Variants in ETS2 observed in about 807,000 individuals in gnomAD.
The protein encoded by ETS2 is ETS proto-oncogene 2, transcription factor, also known as protein C-ets-2.
Under a neutral mutation model 54.9 loss-of-function variants are expected in ETS2, and 19 were observed. That is an observed-to-expected ratio of 0.35 (90% confidence interval 0.24 to 0.51). ETS2 has a LOEUF of 0.51. Among genes scored for constraint, ETS2 ranks in the 20% least tolerant of loss-of-function variants. The pLI is 0.97. For synonymous variants in ETS2, 219 were observed against 229.3 expected (o/e 0.95, Z 0.41); for missense variants, 417 against 593.0 (o/e 0.70, Z 3.08).
rs779726526 is a variant in ETS2, at chr21:38,817,081, C to T, written c.579C>T (p.Ser193=). The T allele has an allele frequency of 5.0e-6, 8 of 1,597,824 alleles. No individual in the cohort carries two copies. Among genetic ancestry groups the T allele is most frequent in the Non-Finnish European group, 6.9e-6 (8 of 1,165,330 alleles). Residue 193 remains serine, a synonymous_variant, in exon 6 of 10, where the codon AGC becomes AGT. Transcript: ENST00000360938. The stretch of plus-strand genomic sequence containing the variant: ...CCTCCGTTCCTCATTGGATTAACAG[C>T]AATACATTAGGTCAGTCCGATTGAT... ...HLTSVPHWIN[S]NTLGFGTEQA...
At chr21:38,809,038 T>C (rs1242105703) in intron 1 of ETS2, among the ~76,000 whole-genome samples, 1 of 152,242 alleles carries the variant, frequency 6.6e-6, no homozygotes, top group Non-Finnish European at 1.5e-5. Flanking sequence ...TCCAAATAAA[T>C]TTTCAGCCTA....
rs755069743 is a variant in ETS2, at chr21:38,819,550, G to C, written c.859G>C (p.Glu287Gln). ...DSPENGADSF[E>Q]SSDSLLQSWN... Reference sequence around the variant, plus strand: ...CCCTGAGAACGGTGCGGACAGCTTCGAGAGCTCAGACTCCCTCCTCCAGTC... The same window carrying C: ...CCCTGAGAACGGTGCGGACAGCTTCCAGAGCTCAGACTCCCTCCTCCAGTC... The change falls in exon 8 of 10, where the codon GAG (glutamate) becomes CAG (glutamine). Residue 287 changes from glutamate (E) to glutamine (Q), a missense_variant. This residue lies in a region of ETS2 where 326 missense variants were observed against 426.1 expected (regional missense o/e 0.76). Transcript: ENST00000360938. The C allele has an allele frequency of 1.9e-6, 3 of 1,614,078 alleles. No individual in the cohort carries two copies. Among genetic ancestry groups the C allele is most frequent in the Non-Finnish European group, 2.5e-6 (3 of 1,180,048 alleles).
intron 3 of ETS2, among the ~76,000 whole-genome samples, 199 bp downstream of exon 3, chr21:38,813,313 G>A (rs926386570): frequency 6.6e-6 from 1 of 152,198 alleles, no homozygotes; most frequent in Admixed American, 6.5e-5. Flanking sequence ...GATGTCTTGA[G>A]TGCCAGACGC....
intron 5 of ETS2, 33 bp downstream of exon 5, chr21:38,815,014 A>G (rs1233017470): frequency 1.9e-6 from 3 of 1,602,264 alleles, no homozygotes; most frequent in Non-Finnish European, 2.6e-6. Context: ...CTCCTTGTCC[A>G]GGATGAGCTG....
Position 38,822,904 on chromosome 21 carries a change from C to G in ETS2, c.*15C>G. ...CGGAGGACTGAGGTCGCCGGGACCACCCTGAGCCGGCCCCAGGCTCGTGGA... is the reference window on the plus strand; with the variant it reads ...CGGAGGACTGAGGTCGCCGGGACCAGCCTGAGCCGGCCCCAGGCTCGTGGA... On this transcript the variant is annotated 3_prime_UTR_variant, in exon 10 of 10. Transcript: ENST00000360938. 1 of 1,542,506 alleles carries G rather than the reference C, an allele frequency of 6.5e-7. No individual in the cohort carries two copies. The highest frequency in any genetic ancestry group is 8.8e-7 in the Non-Finnish European group (1 of 1,142,670).
At chr21:38,820,097 A>G (rs2060951877) in intron 8 of ETS2, among the ~76,000 whole-genome samples, 1 of 152,226 alleles carries the variant, frequency 6.6e-6, no homozygotes. Flanking sequence ...ATCTCAAAGA[A>G]TGTAAACTGG....
intron 6 of ETS2, among the ~76,000 whole-genome samples, chr21:38,817,674 A>G (rs560977243): frequency 3.4e-4 from 52 of 152,352 alleles, no homozygotes; most frequent in African/African-American, 1.3e-3. Flanking sequence ...AAGAGCTGTC[A>G]TGGAATCTGG....
chr21:38,815,175 AGTGTGT>A (rs3065531), intron 5 of ETS2, among the ~76,000 whole-genome samples, 194 bp downstream of exon 5: 8 of 149,808 alleles, frequency 5.3e-5, no homozygotes, highest in Non-Finnish European at 8.9e-5. Context: ...ACTTTATGTG[AGTGTGT>A]GTGTGTGTGT....
At position 38,814,140 on chromosome 21, in the gene ETS2, A is replaced by G; in HGVS notation, c.185-133A>G. The G allele has an allele frequency of 1.2e-6, 1 of 843,158 alleles. No homozygotes were observed. The highest frequency in any genetic ancestry group is 2.5e-5 in the East Asian group (1 of 40,532). 52.2% of individuals were successfully genotyped at this position (843,158 alleles called of 1,614,324 possible). A position where few individuals can be genotyped will look rare whatever the true frequency, so the allele number is the denominator to read the frequency against. On this transcript the variant is annotated intron_variant, in intron 3 of 9. Coordinates refer to ENST00000360938, the MANE Select transcript of ETS2 (RefSeq NM_005239.6). This position sits in a 1 kb window ranked among gnomAD's most constrained non-coding sequence, Gnocchi z 4.2. ...AGAAAAGTTTTTTGTTAATAGTTAC[A>G]CTGTTTTAAGGAATCATGCCAAGGT...
At position 38,822,962 on chromosome 21, in the gene ETS2, C is replaced by G; in HGVS notation, c.*73C>G. ...GGAAGCCCATCCTGACCAGCTGCTC[C>G]GAGGACCCAGGAAAGGCAGGATTGA... On this transcript the variant is annotated 3_prime_UTR_variant, in exon 10 of 10. Transcript: ENST00000360938. 1 of 1,212,544 alleles carries G rather than the reference C, an allele frequency of 8.2e-7. No individual in the cohort carries two copies. 75.1% of individuals were successfully genotyped at this position (1,212,544 alleles called of 1,614,324 possible). A position where few individuals can be genotyped will look rare whatever the true frequency, so the allele number is the denominator to read the frequency against.
At chr21:38,809,900 A>G (rs1227292613) in intron 1 of ETS2, 135 bp from the exon 2 acceptor site, 1 of 605,180 alleles carries the variant, frequency 1.7e-6, no homozygotes, top group Non-Finnish European at 2.9e-6. Flanking sequence ...CCATTTAAAC[A>G]AGAATTCCCT....
rs1295636032 is a variant in ETS2, at chr21:38,821,536, A to G, written c.1076-50A>G. The G allele has an allele frequency of 2.3e-6, 3 of 1,290,590 alleles. No individual in the cohort carries two copies. The highest frequency in any genetic ancestry group is 1.5e-5 in the African/African-American group (1 of 68,616). 79.9% of individuals were successfully genotyped at this position (1,290,590 alleles called of 1,614,324 possible). A position where few individuals can be genotyped will look rare whatever the true frequency, so the allele number is the denominator to read the frequency against. On this transcript the variant is annotated intron_variant, in intron 8 of 9. Transcript: ENST00000360938. This position sits in a 1 kb window ranked among gnomAD's most constrained non-coding sequence, Gnocchi z 4.2. ...ATTAGGATGGTTAAAGACTTGCTGT[A>G]TTTTACATCTGTGAAAGGGTATGAT... is the stretch of plus-strand genomic sequence containing the variant.
rs1365534454 is a variant in ETS2, at chr21:38,822,776, A to T, written c.1297A>T (p.Thr433Ser). The T allele has an allele frequency of 6.2e-7, 1 of 1,614,020 alleles. No homozygotes were observed. Among genetic ancestry groups the T allele is most frequent in the African/African-American group, 1.3e-5 (1 of 74,910 alleles). The change falls in exon 10 of 10, where the codon ACG (threonine) becomes TCG (serine). Residue 433 changes from threonine to serine, a missense_variant. Transcript: ENST00000360938. ...TTACGACAAGAACATCATCCACAAGACGTCGGGGAAGCGCTACGTGTACCG... is the reference window on the plus strand; with the variant it reads ...TTACGACAAGAACATCATCCACAAGTCGTCGGGGAAGCGCTACGTGTACCG... ...YYYDKNIIHK[T>S]SGKRYVYRFV...
chr21:38,806,115 G>C lies in ETS2; in HGVS notation c.-6G>C. 1.9e-6 allele frequency: 2 copies of C among 1,054,418 alleles called. No individual in the cohort carries two copies. Among genetic ancestry groups the C allele is most frequent in the Non-Finnish European group, 2.3e-6 (2 of 873,354 alleles). The allele number at this position is 1,054,418 out of a possible 1,614,324, so 65.3% of individuals were successfully genotyped here. A position where few individuals can be genotyped will look rare whatever the true frequency, so the allele number is the denominator to read the frequency against. On this transcript the variant is annotated 5_prime_UTR_variant, in exon 1 of 10. Transcript: ENST00000360938. The surrounding 1 kb of genome is among the most constrained non-coding windows in gnomAD (Gnocchi z 4.3). ...ACCAAGCGCCGGCCCTGCCCGCAGC[G>C]GCAGGGTAAGAGCTGGGCCCGCAGA...
rs2060945100 is a variant in ETS2, at chr21:38,818,661, A to G, written c.811+15A>G. On this transcript the variant is annotated intron_variant, in intron 7 of 9. Coordinates refer to ENST00000360938, the MANE Select transcript of ETS2 (RefSeq NM_005239.6). ...CAACAATTCTGGTAAGATTGGAAGC[A>G]TCTTTCAACAAGGCTGTTGCTTTGA... 1 of 1,613,868 alleles carries G rather than the reference A, an allele frequency of 6.2e-7. No homozygotes were observed. Among genetic ancestry groups the G allele is most frequent in the South Asian group, 1.1e-5 (1 of 91,086 alleles).
Position 38,818,491 on chromosome 21 carries a change from A to G in ETS2, c.656A>G (p.Asp219Gly), listed in dbSNP as rs771176252. 2.5e-6 allele frequency: 4 copies of G among 1,614,168 alleles called. No individual in the cohort carries two copies. Among genetic ancestry groups the G allele is most frequent in the Non-Finnish European group, 3.4e-6 (4 of 1,180,024 alleles). The change falls in exon 7 of 10, where the codon GAC (aspartate) becomes GGC (glycine). Residue 219 changes from aspartate (D) to glycine (G), a missense_variant. Asp to Gly is a moderately conservative substitution (Grantham distance 94). Transcript: ENST00000360938. ...TQNYPKGGLL[D>G]SMCPASTPSV... is the part of the protein sequence containing the mutation. ...AATTACCCCAAAGGCGGCCTCCTGG[A>G]CAGCATGTGTCCGGCCTCCACACCC...
At chr21:38,815,865 G>A (rs887597285) in intron 5 of ETS2, among the ~76,000 whole-genome samples, 3 of 148,634 alleles carry the variant, frequency 2.0e-5, no homozygotes, top group African/African-American at 7.5e-5. Context: ...CCTTGAGCCC[G>A]GGAGGCAGAG....
intron 8 of ETS2, among the ~76,000 whole-genome samples, chr21:38,820,154 T>A (rs190067372): frequency 1.3e-5 from 2 of 152,324 alleles, no homozygotes; most frequent in East Asian, 3.9e-4. Context: ...TGGGCACTGT[T>A]TACCTTTTCT....
upstream of ETS2, chr21:38,805,543 G>C (rs988438849): frequency 2.3e-6 from 3 of 1,286,124 alleles, no homozygotes; most frequent in South Asian, 2.5e-5. This position sits in a 1 kb window ranked among gnomAD's most constrained non-coding sequence, Gnocchi z 5.2. Context: ...ACGTGGGGCC[G>C]AGGCCCTGCT....
Sources: allele counts gnomAD v4.1 joint callset (sites outside exome capture counted in the v4.1 genomes callset), GRCh38; gene constraint gnomAD v4.1.1; regional missense constraint gnomAD v4.1.1; non-coding constraint Gnocchi (gnomAD v3.1); transcripts MANE v1.5; gene names NCBI Gene and HGNC (gene_info 2026-07-23, HGNC 2026-07-21).